MARCHF1: variants seen among roughly 807,000 people sequenced by gnomAD.
MARCHF1 encodes membrane associated ring-CH-type finger 1, also known as E3 ubiquitin-protein ligase MARCHF1.
MARCHF1 carries 40 observed loss-of-function variants against 54.2 expected under a neutral mutation model. The observed-to-expected ratio is 0.74, with a 90% CI of 0.57 to 0.96. MARCHF1 has a LOEUF of 0.96. Among genes scored for constraint, MARCHF1 ranks in the 40% least tolerant of loss-of-function variants. The probability of loss-of-function intolerance (pLI) is 0.00; values close to 1 mark genes in which losing one functional copy is unlikely to be tolerated. For missense variants in MARCHF1, 586 were observed against 656.5 expected (o/e 0.89, Z 1.17); for synonymous variants, 236 against 236.3 (o/e 1.00, Z 0.01).
intron 2 of MARCHF1, among the ~76,000 whole-genome samples, chr4:164,050,848 A>C (rs1415757279): frequency 1.3e-5 from 2 of 151,958 alleles, no homozygotes; most frequent in Non-Finnish European, 2.9e-5. Flanking sequence ...CAGGAGAATC[A>C]CTTGAACCCA....
intron 4 of MARCHF1, among the ~76,000 whole-genome samples, chr4:163,713,056 GTC>G (rs1298848891): frequency 1.3e-5 from 2 of 151,654 alleles, no homozygotes; most frequent in Non-Finnish European, 2.9e-5. Context: ...ATCATTTTCT[GTC>G]TCTCTTCATT....
chr4:163,764,365 T>C (rs28449184), intron 4 of MARCHF1, among the ~76,000 whole-genome samples: 10,566 of 152,122 alleles, frequency 0.069, 614 homozygotes, highest in African/African-American at 0.16. Flanking sequence ...TCCAGAAGCT[T>C]GTTGAAGTAT....
chr4:163,646,261 C>T (rs1044023696), intron 5 of MARCHF1, among the ~76,000 whole-genome samples: 1 of 149,442 alleles, frequency 6.7e-6, no homozygotes, highest in Admixed American at 6.6e-5. Flanking sequence ...AACCCAGAAA[C>T]CTGGCAACCA....
intron 1 of MARCHF1, among the ~76,000 whole-genome samples, chr4:164,332,715 C>G (rs111345635): frequency 6.6e-6 from 1 of 152,134 alleles, no homozygotes; most frequent in Non-Finnish European, 1.5e-5. Flanking sequence ...TTAACTGCAT[C>G]ATGATTAACC....
chr4:164,321,960 G>A (rs1472743582), intron 1 of MARCHF1, among the ~76,000 whole-genome samples: 1 of 151,906 alleles, frequency 6.6e-6, no homozygotes, highest in African/African-American at 2.4e-5. Flanking sequence ...ATCCTCATGA[G>A]AAAGTCATAG....
chr4:164,013,894 G>A (rs1358061323), intron 2 of MARCHF1, among the ~76,000 whole-genome samples: 1 of 152,158 alleles, frequency 6.6e-6, no homozygotes, highest in Non-Finnish European at 1.5e-5. Context: ...TCCGGGTGTG[G>A]TGGCTCACAC....
At position 164,289,033 on chromosome 4, in the gene MARCHF1, A is replaced by T. The variant is rs544238252; in HGVS notation, c.-323+94837T>A. Among the ~76,000 whole-genome samples, 109 of 152,190 alleles carry T rather than the reference A, an allele frequency of 7.2e-4. 2 individuals carry two copies. The South Asian group carries it at 0.022, about 31-fold the overall frequency. On this transcript the variant is annotated intron_variant, in intron 1 of 9. Coordinates refer to ENST00000514618, the MANE Select transcript of MARCHF1 (RefSeq NM_001394959.1). Reference sequence around the variant, plus strand: ...ATGCCTGAGCTTTGGAACGTTTCAGATAAAATATTTTCTCTTTTCCTGGTA... The same window carrying T: ...ATGCCTGAGCTTTGGAACGTTTCAGTTAAAATATTTTCTCTTTTCCTGGTA...
At chr4:164,308,663 C>A (rs979831445) in intron 1 of MARCHF1, among the ~76,000 whole-genome samples, 1 of 151,604 alleles carries the variant, frequency 6.6e-6, no homozygotes, top group East Asian at 1.9e-4. Flanking sequence ...AACTTGAAAA[C>A]CTCTTAAAAT....
At chr4:163,927,724 T>C (rs1335803803) in intron 3 of MARCHF1, among the ~76,000 whole-genome samples, 1 of 151,808 alleles carries the variant, frequency 6.6e-6, no homozygotes, top group Non-Finnish European at 1.5e-5. Context: ...AGAATGTCTA[T>C]GGACTCTTGG....
chr4:163,725,990 T>A (rs1288007233), intron 4 of MARCHF1, among the ~76,000 whole-genome samples: 1 of 42,708 alleles, frequency 2.3e-5, no homozygotes, highest in Non-Finnish European at 5.3e-5. Context: ...CCTTTACCAT[T>A]TTTTTCTTTT....
intron 7 of MARCHF1, among the ~76,000 whole-genome samples, chr4:163,605,902 G>A (rs969227512): frequency 1.3e-5 from 2 of 152,010 alleles, no homozygotes; most frequent in African/African-American, 4.8e-5. Flanking sequence ...ACTGGGGCCT[G>A]TTGCGGGTTG....
At chr4:164,279,188 A>G (rs1733960935) in intron 1 of MARCHF1, among the ~76,000 whole-genome samples, 1 of 151,812 alleles carries the variant, frequency 6.6e-6, no homozygotes, top group Admixed American at 6.6e-5. Flanking sequence ...AATTCATACA[A>G]GATTTAAATA....
chr4:164,068,497 G>A (rs1041999310), intron 2 of MARCHF1, among the ~76,000 whole-genome samples: 3 of 152,102 alleles, frequency 2.0e-5, no homozygotes, highest in Non-Finnish European at 4.4e-5. Context: ...CGGAGCGGCC[G>A]GCCAGCCCCG....
chr4:164,347,679 ATAGCTTTTTAGTGG>A (rs1308860901), intron 1 of MARCHF1, among the ~76,000 whole-genome samples: 1 of 152,150 alleles, frequency 6.6e-6, no homozygotes, highest in African/African-American at 2.4e-5. Flanking sequence ...ACAACTCTTA[ATAGCTTTTTAGTGG>A]AGAACAGTAC....
At chr4:163,918,166 C>T (rs545010753) in intron 3 of MARCHF1, among the ~76,000 whole-genome samples, 92 of 152,232 alleles carry the variant, frequency 6.0e-4, no homozygotes, top group African/African-American at 2.2e-3. Flanking sequence ...TTCACCATTG[C>T]TTGTTTTTGT....
intron 5 of MARCHF1, among the ~76,000 whole-genome samples, chr4:163,688,248 T>G (rs1310622509): frequency 6.6e-6 from 1 of 152,096 alleles, no homozygotes; most frequent in Non-Finnish European, 1.5e-5. Context: ...AAATAGCTCA[T>G]TAGTACTTAA....
chr4:163,879,654 G>A (rs1162030224), intron 3 of MARCHF1, among the ~76,000 whole-genome samples: 1 of 151,940 alleles, frequency 6.6e-6, no homozygotes, highest in Non-Finnish European at 1.5e-5. Flanking sequence ...AACTGCAAAC[G>A]ATAATTACTA....
chr4:164,212,502 T>A (rs1303563348), intron 1 of MARCHF1, among the ~76,000 whole-genome samples: 1 of 152,188 alleles, frequency 6.6e-6, no homozygotes, highest in Non-Finnish European at 1.5e-5. Flanking sequence ...TATTTTCTGT[T>A]TTTTCATGGG....
At chr4:164,214,143 TAAGTA>T (rs538095653) in intron 1 of MARCHF1, among the ~76,000 whole-genome samples, 102 of 149,656 alleles carry the variant, frequency 6.8e-4, no homozygotes, top group African/African-American at 2.3e-3. Flanking sequence ...AACAATATTT[TAAGTA>T]AATAAACAAT....
Sources: gnomAD v4.1 joint callset for allele counts (sites outside exome capture counted in the v4.1 genomes callset) on GRCh38, gnomAD v4.1.1 for gene constraint, MANE v1.5 for transcripts, NCBI Gene and HGNC (gene_info 2026-07-23, HGNC 2026-07-21) for gene names.